EHMT1: variants seen among roughly 807,000 people sequenced by gnomAD.
EHMT1 encodes the protein histone-lysine N-methyltransferase EHMT1.
Under a neutral mutation model 147.2 loss-of-function variants are expected in EHMT1, and 15 were observed. The observed-to-expected ratio is 0.10, with a 90% CI of 0.07 to 0.16. The LOEUF (loss-of-function observed/expected upper bound fraction) is 0.16, where lower values mean the gene tolerates loss of function less well. EHMT1 is among the 10% of genes least tolerant of loss of function. The pLI is 1.00. For missense variants in EHMT1, 1,587 were observed against 1,772.4 expected, an observed-to-expected ratio of 0.90 and a Z score of 1.88; for synonymous variants, 795 against 709.6, an observed-to-expected ratio of 1.12 and a Z score of -1.91.
intron 1 of EHMT1, among the ~76,000 whole-genome samples, chr9:137,709,097 T>G (rs968466611): frequency 1.3e-5 from 2 of 152,186 alleles, no homozygotes; most frequent in Non-Finnish European, 2.9e-5. Flanking sequence ...GCAAAGGGGC[T>G]GACACCACCG....
chr9:137,794,146 A>G (rs1420279107), intron 16 of EHMT1, among the ~76,000 whole-genome samples: 1 of 152,208 alleles, frequency 6.6e-6, no homozygotes, highest in East Asian at 1.9e-4. Flanking sequence ...CTGTTTTCTC[A>G]TTAAATATTA....
chr9:137,779,258 G>A (rs1487643729), intron 13 of EHMT1, among the ~76,000 whole-genome samples: 4 of 152,266 alleles, frequency 2.6e-5, no homozygotes, highest in Admixed American at 1.3e-4. Context: ...TGACCACGCT[G>A]TGTGGGCTCA....
In EHMT1 at chr9:137,715,885, C is replaced by T. The variant is rs984519129; in HGVS notation, c.86-741C>T. 5 of 962,782 alleles carry T rather than the reference C, an allele frequency of 5.2e-6. No homozygotes were observed. In the African/African-American group the frequency reaches 8.8e-5, roughly 17 times the overall value. 59.6% of individuals were successfully genotyped at this position (962,782 alleles called of 1,614,324 possible). A position where few individuals can be genotyped will look rare whatever the true frequency, so the allele number is the denominator to read the frequency against. On this transcript the variant is annotated intron_variant, in intron 2 of 26. Transcript: ENST00000460843. ...ATAGCAGTGATTCCCCAAACTTAAC[C>T]AACTAACGTTCAACGTTAATGCTTA...
intron 18 of EHMT1, among the ~76,000 whole-genome samples, chr9:137,805,193 G>A (rs4876901): frequency 0.033 from 5,015 of 151,958 alleles, 127 homozygotes; most frequent in Non-Finnish European, 0.048. Flanking sequence ...AGTCGTCCAC[G>A]TGTGAGTCAT....
At chr9:137,832,350 C>T (rs1455509335) in intron 25 of EHMT1, among the ~76,000 whole-genome samples, 9 of 150,766 alleles carry the variant, frequency 6.0e-5, no homozygotes, top group Non-Finnish European at 1.2e-4. Flanking sequence ...TTCCACGTGG[C>T]CTCTGCACCT....
intron 18 of EHMT1, 147 bp downstream of exon 18, chr9:137,801,131 T>C: frequency 1.4e-6 from 1 of 736,606 alleles, no homozygotes; most frequent in Non-Finnish European, 2.4e-6. Flanking sequence ...GGCACTGTGC[T>C]GTGGCTGTCC....
Position 137,782,416 on chromosome 9 carries a change from C to G in EHMT1, c.2382+19C>G, listed in dbSNP as rs1206135842. 6.3e-7 allele frequency: 1 copy of G among 1,588,750 alleles called. No homozygotes were observed. The highest frequency in any genetic ancestry group is 1.1e-5 in the South Asian group (1 of 89,366). ...GGTTCAGGTGCGGCGGCACGGCGCC[C>G]TCCTAGGGCTCTTCACCTGCTCTCT... is the stretch of plus-strand genomic sequence containing the variant. On this transcript the variant is annotated intron_variant, in intron 15 of 26. Coordinates refer to ENST00000460843, the MANE Select transcript of EHMT1 (RefSeq NM_024757.5). The surrounding 1 kb of genome is among the most constrained non-coding windows in gnomAD (Gnocchi z 5.7).
chr9:137,822,880 G>A (rs1266136821), intron 25 of EHMT1, among the ~76,000 whole-genome samples: 2 of 142,992 alleles, frequency 1.4e-5, no homozygotes, highest in Non-Finnish European at 3.0e-5. Flanking sequence ...GGCAACAAGA[G>A]CAAAACTTCA....
At chr9:137,797,208 C>G (rs1055358752) in intron 16 of EHMT1, among the ~76,000 whole-genome samples, 3 of 152,168 alleles carry the variant, frequency 2.0e-5, no homozygotes, top group Non-Finnish European at 4.4e-5. Context: ...GTTTGTGTGC[C>G]TGCAGACCTC....
chr9:137,827,140 T>G (rs1424076060), intron 25 of EHMT1, among the ~76,000 whole-genome samples: 1 of 152,094 alleles, frequency 6.6e-6, no homozygotes, highest in African/African-American at 2.4e-5. Context: ...GGACATCCTG[T>G]CAGCACTCTC....
At chr9:137,815,323 G>A (rs1954833380) in intron 22 of EHMT1, 1 of 173,132 alleles carries the variant, frequency 5.8e-6, no homozygotes, top group Non-Finnish European at 1.3e-5. Context: ...GTCTTTTCAG[G>A]TGGACAGTGT....
chr9:137,684,429 G>A (rs1301526647), intron 1 of EHMT1, among the ~76,000 whole-genome samples: 1 of 152,146 alleles, frequency 6.6e-6, no homozygotes, highest in East Asian at 1.9e-4. Flanking sequence ...TTGCCTAGAT[G>A]CCCCTTCATT....
chr9:137,722,046 A>G (rs1946111946), intron 3 of EHMT1, among the ~76,000 whole-genome samples: 1 of 151,576 alleles, frequency 6.6e-6, no homozygotes, highest in East Asian at 1.9e-4. Context: ...ATGTTTGTAT[A>G]AAGTCTGAGG....
chr9:137,803,211 C>G, intron 18 of EHMT1: 1 of 1,170,630 alleles, frequency 8.5e-7, no homozygotes, highest in Non-Finnish European at 1.1e-6. Flanking sequence ...TGAAACACTT[C>G]ATTAATTTAA....
At chr9:137,769,402 T>C (rs570738487) in intron 10 of EHMT1, among the ~76,000 whole-genome samples, 1 of 152,244 alleles carries the variant, frequency 6.6e-6, no homozygotes, top group African/African-American at 2.4e-5. Flanking sequence ...CAATAACTCT[T>C]TTTTTGGTAG....
At chr9:137,750,800 C>T (rs951868064) in intron 6 of EHMT1, among the ~76,000 whole-genome samples, 5 of 152,150 alleles carry the variant, frequency 3.3e-5, no homozygotes, top group Non-Finnish European at 4.4e-5. Flanking sequence ...TACTCAGGAG[C>T]GCTGAGGCGG....
intron 6 of EHMT1, chr9:137,746,528 T>C (rs1397241516): frequency 1.3e-5 from 2 of 152,276 alleles, no homozygotes; most frequent in African/African-American, 4.8e-5. Context: ...TCACTGTTGA[T>C]TTTGAATGAA....
In EHMT1 at chr9:137,794,806, C is replaced by G. The variant is rs186183365; in HGVS notation, c.2505+3836C>G. On this transcript the variant is annotated intron_variant, in intron 16 of 26. Transcript: ENST00000460843. Reference sequence around the variant, plus strand: ...AAAATGTGAACCCAGAATCCTACATCCAGTAAACGTACCCTTCAGCGAATG... The same window carrying G: ...AAAATGTGAACCCAGAATCCTACATGCAGTAAACGTACCCTTCAGCGAATG... Among the ~76,000 whole-genome samples, 378 of 152,216 alleles carry G rather than the reference C, an allele frequency of 2.5e-3. 2 individuals carry two copies. Among genetic ancestry groups the G allele is most frequent in the African/African-American group, 8.9e-3 (369 of 41,520 alleles).
In EHMT1 at chr9:137,798,728, C is replaced by T. The variant is rs993600130; in HGVS notation, c.2506-85C>T. On this transcript the variant is annotated intron_variant, in intron 16 of 26. Coordinates refer to ENST00000460843, the MANE Select transcript of EHMT1 (RefSeq NM_024757.5). ...AGTACCCCACCCGCATGGTAGACACCGGGTTCTCCTGGATCCCGCACTCAG... is the reference window on the plus strand; with the variant it reads ...AGTACCCCACCCGCATGGTAGACACTGGGTTCTCCTGGATCCCGCACTCAG... The T allele has an allele frequency of 1.5e-5, 16 of 1,092,946 alleles. No homozygotes were observed. In the African/African-American group the frequency reaches 1.9e-4, roughly 13 times the overall value. The allele number at this position is 1,092,946 out of a possible 1,614,324, so 67.7% of individuals were successfully genotyped here. A position where few individuals can be genotyped will look rare whatever the true frequency, so the allele number is the denominator to read the frequency against.
Sources: gnomAD v4.1 joint callset for allele counts (sites outside exome capture counted in the v4.1 genomes callset) on GRCh38, gnomAD v4.1.1 for gene constraint, Gnocchi (gnomAD v3.1) non-coding constraint, MANE v1.5 for transcripts, NCBI Gene and HGNC (gene_info 2026-07-23, HGNC 2026-07-21) for gene names.